Variants in C1QTNF3 observed in about 807,000 individuals in gnomAD.
C1QTNF3 encodes the protein complement C1q tumor necrosis factor-related protein 3.
Under a neutral mutation model 32.6 loss-of-function variants are expected in C1QTNF3, and 26 were observed. The ratio of observed to expected loss-of-function variants is 0.80; its 90% CI spans 0.58 to 1.11. The LOEUF (loss-of-function observed/expected upper bound fraction) is 1.11, where lower values mean the gene tolerates loss of function less well. Ranked by LOEUF, C1QTNF3 falls within the 50% of genes least tolerant of loss-of-function variation. The probability of loss-of-function intolerance (pLI) is 0.00; values close to 1 mark genes in which losing one functional copy is unlikely to be tolerated. For synonymous variants in C1QTNF3, 155 were observed against 146.0 expected (o/e 1.06, Z -0.44); for missense variants, 362 against 398.2 (o/e 0.91, Z 0.77).
the C1QTNF3 span, among the ~76,000 whole-genome samples, chr5:34,234,916 T>C: frequency 1.3e-5 from 2 of 152,190 alleles, no homozygotes; most frequent in African/African-American, 4.8e-5. Flanking sequence ...TTTCTCACAA[T>C]AGGCTTATTA....
chr5:34,074,947 T>C, the C1QTNF3 span, among the ~76,000 whole-genome samples: 5 of 151,848 alleles, frequency 3.3e-5, no homozygotes, highest in African/African-American at 1.2e-4. Context: ...TGAAAGTGTA[T>C]ATTTGGATTT....
chr5:34,231,702 G>A, the C1QTNF3 span, among the ~76,000 whole-genome samples: 1 of 152,070 alleles, frequency 6.6e-6, no homozygotes, highest in Non-Finnish European at 1.5e-5. Flanking sequence ...TGAGGTTTGG[G>A]AACCTCCATC....
chr5:34,224,267 C>T, the C1QTNF3 span, among the ~76,000 whole-genome samples: 2 of 152,182 alleles, frequency 1.3e-5, no homozygotes, highest in Admixed American at 6.5e-5. Flanking sequence ...CATCAAGCTA[C>T]CAATGACTTT....
chr5:34,084,954 G>A, the C1QTNF3 span, among the ~76,000 whole-genome samples: 1 of 148,444 alleles, frequency 6.7e-6, no homozygotes, highest in East Asian at 2.0e-4. Context: ...TTTCTTCTAG[G>A]GTTTTTACAG....
At chr5:34,201,560 C>T in the C1QTNF3 span, among the ~76,000 whole-genome samples, 2 of 152,016 alleles carry the variant, frequency 1.3e-5, no homozygotes, top group Non-Finnish European at 2.9e-5. Context: ...TCCTGAAATG[C>T]TCATCTAACC....
At chr5:34,056,261 T>C in the C1QTNF3 span, among the ~76,000 whole-genome samples, 1 of 151,868 alleles carries the variant, frequency 6.6e-6, no homozygotes, top group Admixed American at 6.6e-5. Context: ...ACAGAGTCAA[T>C]GTGTGCAATC....
At chr5:34,180,046 C>T in the C1QTNF3 span, among the ~76,000 whole-genome samples, 1 of 152,280 alleles carries the variant, frequency 6.6e-6, no homozygotes, top group African/African-American at 2.4e-5. Context: ...CTTGTTTCTA[C>T]AACAAATTTA....
chr5:34,124,204 T>A, the C1QTNF3 span: 1 of 428,832 alleles, frequency 2.3e-6, no homozygotes, highest in East Asian at 3.7e-5. Flanking sequence ...ATTAGTTTAT[T>A]TTTGAAGCCC....
chr5:34,165,545 A>T, the C1QTNF3 span: 1 of 152,096 alleles, frequency 6.6e-6, no homozygotes, highest in African/African-American at 2.4e-5. Context: ...AGTTACTGTA[A>T]CTGCTGTCAT....
At chr5:34,057,614 C>T in the C1QTNF3 span, among the ~76,000 whole-genome samples, 15 of 152,302 alleles carry the variant, frequency 9.8e-5, no homozygotes, top group South Asian at 2.1e-3. Context: ...GACCTTTCAA[C>T]CGTTCTAGAA....
the C1QTNF3 span, among the ~76,000 whole-genome samples, chr5:34,120,570 G>A: frequency 6.6e-6 from 1 of 152,142 alleles, no homozygotes; most frequent in African/African-American, 2.4e-5. Flanking sequence ...CACGTGTTGT[G>A]GGAGGGAACT....
chr5:34,084,636 G>T, the C1QTNF3 span, among the ~76,000 whole-genome samples: 1 of 150,846 alleles, frequency 6.6e-6, no homozygotes, highest in Non-Finnish European at 1.5e-5. Flanking sequence ...GGAACAGAAT[G>T]GGCTCTGGCT....
At chr5:34,079,126 G>A in the C1QTNF3 span, among the ~76,000 whole-genome samples, 2 of 151,546 alleles carry the variant, frequency 1.3e-5, no homozygotes, top group East Asian at 3.9e-4. Context: ...ATAAACTAAT[G>A]AAAAACACTG....
the C1QTNF3 span, among the ~76,000 whole-genome samples, chr5:34,092,334 C>T: frequency 6.6e-6 from 1 of 151,686 alleles, no homozygotes; most frequent in Non-Finnish European, 1.5e-5. Flanking sequence ...ATGGATGCTA[C>T]TCAAATTTTA....
chr5:34,111,447 CA>C, the C1QTNF3 span, among the ~76,000 whole-genome samples: 1 of 151,120 alleles, frequency 6.6e-6, no homozygotes, highest in East Asian at 1.9e-4. Context: ...GCCTCTCCTC[CA>C]GCTGAAGGCT....
chr5:34,166,156 C>T, the C1QTNF3 span: 1 of 151,578 alleles, frequency 6.6e-6, no homozygotes, highest in African/African-American at 2.4e-5. Context: ...CTTATTTCTT[C>T]TCAAGATCTC....
At chr5:34,076,769 C>T in the C1QTNF3 span, among the ~76,000 whole-genome samples, 1 of 151,600 alleles carries the variant, frequency 6.6e-6, no homozygotes, top group Non-Finnish European at 1.5e-5. Flanking sequence ...TTGCTATCAA[C>T]TATGATGGTC....
At chr5:34,042,720 C>A (rs1754901411) in intron 1 of C1QTNF3, 103 bp downstream of exon 1, 2 of 1,177,662 alleles carry the variant, frequency 1.7e-6, no homozygotes, top group Non-Finnish European at 2.4e-6. Context: ...CGAAAGCATT[C>A]ATTGATTCTA....
At chr5:34,033,068 G>C (rs1227910165) in intron 3 of C1QTNF3, 1 of 446,664 alleles carries the variant, frequency 2.2e-6, no homozygotes, top group East Asian at 3.9e-5. Flanking sequence ...GGTTCTATGA[G>C]GGACTTAGAT....
Sources: allele counts gnomAD v4.1 joint callset (sites outside exome capture counted in the v4.1 genomes callset), GRCh38; gene constraint gnomAD v4.1.1; transcripts MANE v1.5; gene names NCBI Gene and HGNC (gene_info 2026-07-23, HGNC 2026-07-21).